Variants in SCAF11 observed in about 807,000 individuals in gnomAD.
SCAF11 encodes protein SCAF11.
Under a neutral mutation model 140.5 loss-of-function variants are expected in SCAF11, and 47 were observed. The ratio of observed to expected loss-of-function variants is 0.33; its 90% CI spans 0.26 to 0.43. The LOEUF (loss-of-function observed/expected upper bound fraction) is 0.43, where lower values mean the gene tolerates loss of function less well. Ranked by LOEUF, SCAF11 falls within the 20% of genes least tolerant of loss-of-function variation. The pLI, the probability that SCAF11 is intolerant of heterozygous loss-of-function variation, is 1.00. For synonymous variants in SCAF11, 557 were observed against 579.4 expected (o/e 0.96, Z 0.55); for missense variants, 1,645 against 1,705.1 (o/e 0.96, Z 0.62).
intron 1 of SCAF11, among the ~76,000 whole-genome samples, chr12:45,989,980 C>T (rs557625513): frequency 1.3e-5 from 2 of 151,928 alleles, no homozygotes; most frequent in African/African-American, 4.8e-5. Context: ...CCCCTTCCCC[C>T]CCCCCCGTAG....
chr12:45,982,149 G>A (rs186134877), intron 1 of SCAF11, among the ~76,000 whole-genome samples: 20 of 152,184 alleles, frequency 1.3e-4, no homozygotes, highest in Admixed American at 3.3e-4. Flanking sequence ...AAGCTATTTC[G>A]TTTCATCCAT....
intron 3 of SCAF11, among the ~76,000 whole-genome samples, chr12:45,959,253 CT>C (rs201149754): frequency 0.012 from 1,764 of 151,262 alleles, 24 homozygotes; most frequent in South Asian, 0.049. Flanking sequence ...GGGTGACAGA[CT>C]GAGACTCTGT....
intron 6 of SCAF11, among the ~76,000 whole-genome samples, chr12:45,943,508 C>T (rs1945353819): frequency 6.6e-6 from 1 of 152,112 alleles, no homozygotes. Context: ...GTTAATCTTT[C>T]CACCACCTAA....
At chr12:45,922,911 AG>A (rs1944748615) in intron 13 of SCAF11, 24 bp downstream of exon 13, 1 of 1,593,348 alleles carries the variant, frequency 6.3e-7, no homozygotes, top group African/African-American at 1.3e-5. Context: ...AGAATTATGA[AG>A]GTTGCTCTCA....
chr12:45,928,860 CTAATAA>C lies in SCAF11; in HGVS notation c.842-7_842-2del, dbSNP rs1450684501. ...AATGCATATCCCTTGCAAGAAGTAC[CTAATAA>C]TATTTAAAAAAAAAAAAAAAGTAAA... On this transcript the variant is annotated splice_acceptor_variant and splice_polypyrimidine_tract_variant and intron_variant, in intron 10 of 14. Transcript: ENST00000369367. LOFTEE classifies it high-confidence loss of function. The C allele has an allele frequency of 7.0e-7, 1 of 1,424,926 alleles. No individual in the cohort carries two copies. Among genetic ancestry groups the C allele is most frequent in the Non-Finnish European group, 9.2e-7 (1 of 1,081,628 alleles). The allele number at this position is 1,424,926 out of a possible 1,614,324, so 88.3% of individuals were successfully genotyped here.
chr12:45,949,438 T>C (rs901023018), intron 4 of SCAF11, among the ~76,000 whole-genome samples: 10 of 152,194 alleles, frequency 6.6e-5, no homozygotes, highest in Non-Finnish European at 1.5e-4. Context: ...ATAAAATATA[T>C]CATTCAATTT....
chr12:45,939,326 C>T (rs1333454340), intron 6 of SCAF11, among the ~76,000 whole-genome samples: 2 of 152,062 alleles, frequency 1.3e-5, no homozygotes, highest in Non-Finnish European at 2.9e-5. Context: ...TACTGTATAA[C>T]AAATGACTTC....
intron 12 of SCAF11, 53 bp downstream of exon 12, chr12:45,924,675 G>T: frequency 1.4e-6 from 2 of 1,426,210 alleles, no homozygotes; most frequent in Non-Finnish European, 9.7e-7. Context: ...GTCATGAACA[G>T]CTAAATGTTT....
chr12:45,967,549 C>A (rs1945980641), intron 1 of SCAF11, among the ~76,000 whole-genome samples: 1 of 152,104 alleles, frequency 6.6e-6, no homozygotes. Context: ...GAGGGTGAGG[C>A]AGGAGAATTG....
chr12:45,976,389 T>C lies in SCAF11; in HGVS notation c.-21-12201A>G, dbSNP rs1465117241. 2.6e-5 allele frequency among the ~76,000 whole-genome samples: 4 copies of C among 152,312 alleles called. No individual in the cohort carries two copies. The East Asian group carries it at 7.7e-4, about 29-fold the overall frequency. On this transcript the variant is annotated intron_variant, in intron 1 of 14. Coordinates refer to ENST00000369367, the MANE Select transcript of SCAF11 (RefSeq NM_004719.3). The stretch of plus-strand genomic sequence containing the variant: ...CAGTATATTGTTATAATTGTTCTAT[T>C]ATTTGTTATTGTTAATCTTTTCTGC...
At chr12:45,952,480 T>C (rs1294842117) in intron 3 of SCAF11, among the ~76,000 whole-genome samples, 10 of 152,192 alleles carry the variant, frequency 6.6e-5, no homozygotes, top group Admixed American at 6.6e-4. Context: ...CCTATTCAAG[T>C]TCTTTGCTTA....
intron 3 of SCAF11, among the ~76,000 whole-genome samples, chr12:45,954,569 CTTTTT>C (rs36060348): frequency 3.9e-5 from 5 of 129,150 alleles, no homozygotes; most frequent in African/African-American, 1.4e-4. Context: ...TAAGCTGTTA[CTTTTT>C]TTTTTTTTTT....
intron 1 of SCAF11, among the ~76,000 whole-genome samples, chr12:45,970,486 A>G (rs536468231): frequency 2.6e-5 from 4 of 152,266 alleles, no homozygotes; most frequent in Non-Finnish European, 5.9e-5. Context: ...ATGAGCACTG[A>G]TATGATAAAT....
chr12:45,974,626 C>CCACCG, intron 1 of SCAF11: 1 of 186,984 alleles, frequency 5.3e-6, no homozygotes, highest in Non-Finnish European at 1.1e-5. Flanking sequence ...TGCAGCAATT[C>CCACCG]AGTCATGTCT....
Position 45,919,873 on chromosome 12 carries a change from C to T in SCAF11, c.*2175G>A, listed in dbSNP as rs989305535. 12 of 152,184 alleles carry T rather than the reference C, an allele frequency of 7.9e-5. No homozygotes were observed. The highest frequency in any genetic ancestry group is 2.7e-4 in the African/African-American group (11 of 41,442). The allele number at this position is 152,184 out of a possible 1,614,324, so 9.4% of individuals were successfully genotyped here. A position where few individuals can be genotyped will look rare whatever the true frequency, so the allele number is the denominator to read the frequency against. On this transcript the variant is annotated 3_prime_UTR_variant, in exon 15 of 15. Coordinates refer to ENST00000369367, the MANE Select transcript of SCAF11 (RefSeq NM_004719.3). ...TGCAAAAGCTAAATGGTATAAAACA[C>T]ATTTTAAAATGTCACCCAATTCTCA...
intron 1 of SCAF11, among the ~76,000 whole-genome samples, chr12:45,972,614 A>C (rs1429204959): frequency 6.7e-6 from 1 of 149,360 alleles, no homozygotes; most frequent in Non-Finnish European, 1.5e-5. Flanking sequence ...AAAATCCAAA[A>C]AACAAAAACA....
chr12:45,944,826 G>T (rs542980380), intron 6 of SCAF11, among the ~76,000 whole-genome samples: 25 of 152,282 alleles, frequency 1.6e-4, no homozygotes, highest in South Asian at 4.1e-4. Flanking sequence ...AAGGCTAGAG[G>T]CCAAACTACA....
intron 1 of SCAF11, among the ~76,000 whole-genome samples, chr12:45,988,003 G>A (rs1055809563): frequency 2.0e-5 from 3 of 152,162 alleles, no homozygotes; most frequent in Non-Finnish European, 4.4e-5. Context: ...GATGAGTTTT[G>A]GGAATAGCAA....
chr12:45,967,825 G>C (rs1483129935), intron 1 of SCAF11, among the ~76,000 whole-genome samples: 1 of 152,194 alleles, frequency 6.6e-6, no homozygotes, highest in East Asian at 1.9e-4. Context: ...AAAGTCCTAA[G>C]TCTCAGTTCA....
Sources: allele counts gnomAD v4.1 joint callset (sites outside exome capture counted in the v4.1 genomes callset), GRCh38; gene constraint gnomAD v4.1.1; transcripts MANE v1.5; gene names NCBI Gene and HGNC (gene_info 2026-07-23, HGNC 2026-07-21).